ANK3: variants seen among roughly 807,000 people sequenced by gnomAD.
ANK3 encodes ankyrin 3.
ANK3 carries 57 observed loss-of-function variants against 370.9 expected under a neutral mutation model. The ratio of observed to expected loss-of-function variants is 0.15; its 90% CI spans 0.12 to 0.19. The LOEUF (loss-of-function observed/expected upper bound fraction) is 0.19. Ranked by LOEUF, ANK3 falls within the 10% of genes least tolerant of loss-of-function variation. ANK3 has a pLI of 1.00. For missense variants in ANK3, 4,439 were observed against 5,302.1 expected (o/e 0.84, Z 5.06); for synonymous variants, 1,929 against 1,946.3 (o/e 0.99, Z 0.23).
intron 2 of ANK3, among the ~76,000 whole-genome samples, chr10:60,463,988 T>C (rs2064952821): frequency 6.6e-6 from 1 of 151,342 alleles, no homozygotes. Context: ...ACTAAAACTA[T>C]GAAATGGTCC....
chr10:60,675,976 AAAAGTT>A (rs1438962397), intron 1 of ANK3, among the ~76,000 whole-genome samples: 2 of 152,198 alleles, frequency 1.3e-5, no homozygotes, highest in African/African-American at 4.8e-5. Flanking sequence ...ACCATAACTT[AAAAGTT>A]AAATTGCACC....
intron 1 of ANK3, among the ~76,000 whole-genome samples, chr10:60,683,043 G>T (rs1420330043): frequency 6.6e-6 from 1 of 152,056 alleles, no homozygotes; most frequent in Non-Finnish European, 1.5e-5. Context: ...CCATCTCCAG[G>T]TAGACAGTGT....
chr10:60,490,977 A>G (rs2075483886), intron 2 of ANK3, among the ~76,000 whole-genome samples: 1 of 152,240 alleles, frequency 6.6e-6, no homozygotes, highest in Admixed American at 6.5e-5. Flanking sequence ...TCTGATTTAT[A>G]GAACTAAGAT....
At chr10:60,667,388 C>A (rs960207642) in intron 1 of ANK3, among the ~76,000 whole-genome samples, 37 of 151,564 alleles carry the variant, frequency 2.4e-4, no homozygotes, top group African/African-American at 8.2e-4. Flanking sequence ...ATAAAGAAAA[C>A]CAAAAATGTG....
intron 1 of ANK3, among the ~76,000 whole-genome samples, chr10:60,348,708 T>C (rs1238589289): frequency 6.6e-6 from 1 of 152,172 alleles, no homozygotes; most frequent in African/African-American, 2.4e-5. Flanking sequence ...TTTACACTCA[T>C]GATACATTAT....
intron 8 of ANK3, 139 bp from the exon 9 acceptor site, chr10:60,213,649 A>G (rs1478794695): frequency 8.9e-6 from 4 of 448,946 alleles, no homozygotes; most frequent in Non-Finnish European, 1.5e-5. Flanking sequence ...ATTTCATAAA[A>G]TAATTCCTTA....
rs144829204 is a variant in ANK3 at position 60,524,880 on chromosome 10, T to C, written c.96+90306A>G. Among the ~76,000 whole-genome samples, 26 of 152,206 alleles carry C rather than the reference T, an allele frequency of 1.7e-4. No homozygotes were observed. In the East Asian group the frequency reaches 4.7e-3, roughly 27 times the overall value. On this transcript the variant is annotated intron_variant, in intron 2 of 43. Coordinates refer to the ANK3 transcript ENST00000373827. The stretch of plus-strand genomic sequence containing the variant: ...AGGAGTCCATGAACCCACAGTTCAC[T>C]TGATGAACTGGACCCATGAACAGAA...
intron 2 of ANK3, among the ~76,000 whole-genome samples, chr10:60,580,686 T>C (rs950811129): frequency 6.6e-6 from 1 of 152,204 alleles, no homozygotes; most frequent in African/African-American, 2.4e-5. Context: ...ATAAAATTTT[T>C]TTTTCACTAA....
At chr10:60,717,849 T>C (rs1589071775) in intron 1 of ANK3, among the ~76,000 whole-genome samples, 2 of 152,306 alleles carry the variant, frequency 1.3e-5, no homozygotes, top group African/African-American at 2.4e-5. Context: ...TCAAATTAAA[T>C]TTAGTAGAGT....
Position 60,055,728 on chromosome 10 carries a change from G to A in ANK3, c.12995C>T (p.Thr4332Ile). The change falls in exon 42 of 44, where the codon ACT (threonine) becomes ATT (isoleucine). Residue 4332 changes from threonine to isoleucine, a missense_variant. Physicochemically the swap from Thr to Ile is moderately conservative, Grantham distance 89. Around this residue, in one of 13 missense-constraint regions of ANK3, gnomAD observed 242 missense variants for 228.0 expected, o/e 1.06. Coordinates refer to ENST00000280772, the MANE Select transcript of ANK3 (RefSeq NM_020987.5). Reference protein sequence around the residue: ...VPVSMKKMSRTSPADGKPRLS... With the variant: ...VPVSMKKMSRISPADGKPRLS... ...CCTTGGCTTGCCATCTGCTGGAGAAGTCCTACTCATCTTTTTCATACTGAC... is the reference window on the plus strand; with the variant it reads ...CCTTGGCTTGCCATCTGCTGGAGAAATCCTACTCATCTTTTTCATACTGAC... The A allele has an allele frequency of 6.2e-7, 1 of 1,614,154 alleles. No individual in the cohort carries two copies. The highest frequency in any genetic ancestry group is 8.5e-7 in the Non-Finnish European group (1 of 1,180,022).
At chr10:60,329,037 T>C (rs1210877087) in intron 1 of ANK3, among the ~76,000 whole-genome samples, 1 of 152,152 alleles carries the variant, frequency 6.6e-6, no homozygotes, top group Non-Finnish European at 1.5e-5. Flanking sequence ...AAAAACCACA[T>C]GATTATTTCA....
chr10:60,397,798 A>T (rs981573456), intron 2 of ANK3, among the ~76,000 whole-genome samples: 3 of 152,334 alleles, frequency 2.0e-5, no homozygotes, highest in Non-Finnish European at 4.4e-5. Flanking sequence ...TGAATATTCA[A>T]AACAGTCTGT....
intron 2 of ANK3, among the ~76,000 whole-genome samples, chr10:60,459,732 A>C (rs2064836420): frequency 6.6e-6 from 1 of 152,146 alleles, no homozygotes; most frequent in African/African-American, 2.4e-5. Context: ...TTAATGAACC[A>C]AAGGCATCTC....
chr10:60,653,601 G>A (rs1357854842), intron 1 of ANK3, among the ~76,000 whole-genome samples: 1 of 152,256 alleles, frequency 6.6e-6, no homozygotes, highest in South Asian at 2.1e-4. Context: ...TGGGCGTCGT[G>A]GCTTATGCCT....
chr10:60,085,578 G>T, intron 30 of ANK3, among the ~76,000 whole-genome samples: 1 of 149,604 alleles, frequency 6.7e-6, no homozygotes, highest in Admixed American at 6.6e-5. Flanking sequence ...GCAAAGATTG[G>T]TTGTTTCAGA....
intron 23 of ANK3, among the ~76,000 whole-genome samples, chr10:60,151,756 C>T (rs1189464463): frequency 6.6e-6 from 1 of 152,158 alleles, no homozygotes; most frequent in Non-Finnish European, 1.5e-5. Context: ...TTAACAATAA[C>T]TCAACCATTA....
At chr10:60,645,110 T>C (rs902635941) in intron 1 of ANK3, among the ~76,000 whole-genome samples, 3 of 152,142 alleles carry the variant, frequency 2.0e-5, no homozygotes, top group African/African-American at 4.8e-5. Flanking sequence ...ATGTATATAA[T>C]TGTCATATAT....
At chr10:60,566,734 G>A (rs1433715106) in intron 2 of ANK3, among the ~76,000 whole-genome samples, 1 of 152,168 alleles carries the variant, frequency 6.6e-6, no homozygotes, top group Non-Finnish European at 1.5e-5. Context: ...AAGTTAGCCA[G>A]TTGTGGTGGA....
At chr10:60,244,352 A>T (rs1050416129) in intron 7 of ANK3, among the ~76,000 whole-genome samples, 2 of 152,200 alleles carry the variant, frequency 1.3e-5, no homozygotes, top group Non-Finnish European at 2.9e-5. Flanking sequence ...TAAGTGGATG[A>T]TATCACTCAA....
Sources: gnomAD v4.1 joint callset for allele counts (sites outside exome capture counted in the v4.1 genomes callset) on GRCh38, gnomAD v4.1.1 for gene constraint, gnomAD v4.1.1 regional missense constraint, MANE v1.5 for transcripts, NCBI Gene and HGNC (gene_info 2026-07-23, HGNC 2026-07-21) for gene names.